The following PCDHGB6 variants were observed in gnomAD, a reference collection of about 807,000 sequenced individuals.
The protein encoded by PCDHGB6 is protocadherin gamma-B6.
PCDHGB6 carries 51 observed loss-of-function variants against 59.1 expected under a neutral mutation model. The observed-to-expected ratio is 0.86, with a 90% CI of 0.69 to 1.09. The LOEUF (loss-of-function observed/expected upper bound fraction) is 1.09. Ranked by LOEUF, PCDHGB6 falls within the 50% of genes least tolerant of loss-of-function variation. The pLI is 0.00. For missense variants in PCDHGB6, 1,148 were observed against 1,205.1 expected, an observed-to-expected ratio of 0.95 and a Z score of 0.70; for synonymous variants, 466 against 495.1, an observed-to-expected ratio of 0.94 and a Z score of 0.78.
intron 1 of PCDHGB6, chr5:141,418,428 A>G: frequency 6.2e-7 from 1 of 1,613,980 alleles, no homozygotes; most frequent in Non-Finnish European, 8.5e-7. Flanking sequence ...GATGGTGGCA[A>G]ATATCCAGAA....
intron 1 of PCDHGB6, among the ~76,000 whole-genome samples, chr5:141,469,232 A>AC (rs1350524557): frequency 2.0e-5 from 3 of 151,722 alleles, no homozygotes; most frequent in Non-Finnish European, 4.4e-5. Flanking sequence ...AGCCATGATC[A>AC]CCCCACTGCA....
At chr5:141,459,829 G>A in intron 1 of PCDHGB6, among the ~76,000 whole-genome samples, 1 of 152,178 alleles carries the variant, frequency 6.6e-6, no homozygotes, top group East Asian at 1.9e-4. Flanking sequence ...AACTTTTCAT[G>A]TGTTGTCTAT....
chr5:141,496,276 G>C (rs1189269883), intron 2 of PCDHGB6, among the ~76,000 whole-genome samples: 1 of 152,204 alleles, frequency 6.6e-6, no homozygotes, highest in Admixed American at 6.5e-5. Flanking sequence ...AAGACCTTCA[G>C]TTGGTCTGAG....
At chr5:141,435,919 T>C (rs2097786247) in intron 1 of PCDHGB6, among the ~76,000 whole-genome samples, 2 of 152,148 alleles carry the variant, frequency 1.3e-5, no homozygotes, top group South Asian at 4.1e-4. Flanking sequence ...GGCTCTAAAA[T>C]GCGGCAGTTG....
In PCDHGB6 at chr5:141,432,916, G is replaced by C; in HGVS notation, c.2418+22296G>C. ...TGCTGGCGCTCAGGCTGCGGCGCTG[G>C]CACAAGTCACGCCTGCTGCAGGCTT... On this transcript the variant is annotated intron_variant, in intron 1 of 3. Coordinates refer to ENST00000520790, the MANE Select transcript of PCDHGB6 (RefSeq NM_018926.3). The surrounding 1 kb of genome is among the most constrained non-coding windows in gnomAD (Gnocchi z 6.0). 1 of 1,614,196 alleles carries C rather than the reference G, an allele frequency of 6.2e-7. No homozygotes were observed. The highest frequency in any genetic ancestry group is 8.5e-7 in the Non-Finnish European group (1 of 1,180,040).
In PCDHGB6 at chr5:141,477,486, C is replaced by T. The variant is rs1472326209; in HGVS notation, c.2419-17321C>T. On this transcript the variant is annotated intron_variant, in intron 1 of 3. Coordinates refer to ENST00000520790, the MANE Select transcript of PCDHGB6 (RefSeq NM_018926.3). This position sits in a 1 kb window ranked among gnomAD's most constrained non-coding sequence, Gnocchi z 4.9. ...GACATCAATGACAACCCTCCACAATCTTCTCAATCTTCCTACGACGTTTAC... is the reference window on the plus strand; with the variant it reads ...GACATCAATGACAACCCTCCACAATTTTCTCAATCTTCCTACGACGTTTAC... 6.2e-7 allele frequency: 1 copy of T among 1,614,052 alleles called. No individual in the cohort carries two copies. The highest frequency in any genetic ancestry group is 1.3e-5 in the African/African-American group (1 of 74,914).
chr5:141,493,289 C>A lies in PCDHGB6; in HGVS notation c.2419-1518C>A, dbSNP rs925045650. On this transcript the variant is annotated intron_variant, in intron 1 of 3. Coordinates refer to ENST00000520790, the MANE Select transcript of PCDHGB6 (RefSeq NM_018926.3). This position sits in a 1 kb window ranked among gnomAD's most constrained non-coding sequence, Gnocchi z 4.3. The stretch of plus-strand genomic sequence containing the variant: ...CTTCACAGAGGTCAAGTGACTTGCT[C>A]AAGTTCACAGAGCAAGTAAGAGAGA... 6.6e-6 allele frequency among the ~76,000 whole-genome samples: 1 copy of A among 152,176 alleles called. No individual in the cohort carries two copies. Among genetic ancestry groups the A allele is most frequent in the East Asian group, 1.9e-4 (1 of 5,194 alleles).
chr5:141,441,762 C>T (rs3805697), intron 1 of PCDHGB6: 63,073 of 367,490 alleles, frequency 0.17, 6,544 homozygotes, highest in Admixed American at 0.27. Context: ...CGTGAGCCTG[C>T]GCGTGTTGGT....
chr5:141,421,923 G>T (rs2096611568), intron 1 of PCDHGB6: 1 of 1,613,590 alleles, frequency 6.2e-7, no homozygotes. Flanking sequence ...TTCGTGTGGT[G>T]GTCCTCGATG....
Position 141,487,660 on chromosome 5 carries a change from T to C in PCDHGB6, c.2419-7147T>C. Reference sequence around the variant, plus strand: ...AACAAATGCTTGAGGGTTATTCTGATCCAGGCATATGGCTAGGCCATGTCC... The same window carrying C: ...AACAAATGCTTGAGGGTTATTCTGACCCAGGCATATGGCTAGGCCATGTCC... On this transcript the variant is annotated intron_variant, in intron 1 of 3. Coordinates refer to ENST00000520790, the MANE Select transcript of PCDHGB6 (RefSeq NM_018926.3). The surrounding 1 kb of genome is among the most constrained non-coding windows in gnomAD (Gnocchi z 5.0). The C allele has an allele frequency of 6.2e-7, 1 of 1,613,442 alleles. No homozygotes were observed. The highest frequency in any genetic ancestry group is 8.5e-7 in the Non-Finnish European group (1 of 1,179,710).
At chr5:141,423,415 G>A (rs779262475) in intron 1 of PCDHGB6, 103 of 1,614,016 alleles carry the variant, frequency 6.4e-5, no homozygotes, top group African/African-American at 1.2e-4. Context: ...GCAGGCTTCT[G>A]AAGGCGGGTT....
intron 2 of PCDHGB6, among the ~76,000 whole-genome samples, chr5:141,497,977 G>A (rs1368982839): frequency 6.6e-6 from 1 of 152,216 alleles, no homozygotes; most frequent in Admixed American, 6.5e-5. Context: ...CTCGATGTGG[G>A]AGGCCCCTGC....
Position 141,487,522 on chromosome 5 carries a change from T to G in PCDHGB6, c.2419-7285T>G, listed in dbSNP as rs764726787. Reference sequence around the variant, plus strand: ...TGGCTTCTGCACCCACTCGGAGTGATAGCTTCATGATGGTGAAGTCACCCA... The same window carrying G: ...TGGCTTCTGCACCCACTCGGAGTGAGAGCTTCATGATGGTGAAGTCACCCA... On this transcript the variant is annotated intron_variant, in intron 1 of 3. Transcript: ENST00000520790. This position sits in a 1 kb window ranked among gnomAD's most constrained non-coding sequence, Gnocchi z 5.0. The G allele has an allele frequency of 6.2e-7, 1 of 1,614,166 alleles. No individual in the cohort carries two copies. The highest frequency in any genetic ancestry group is 8.5e-7 in the Non-Finnish European group (1 of 1,180,022).
intron 1 of PCDHGB6, chr5:141,441,337 T>A (rs980210130): frequency 6.6e-6 from 1 of 152,112 alleles, no homozygotes; most frequent in African/African-American, 2.4e-5. Flanking sequence ...CTCCAATAAT[T>A]AACTACATGC....
intron 1 of PCDHGB6, among the ~76,000 whole-genome samples, chr5:141,466,180 AT>A (rs922532578): frequency 6.6e-6 from 1 of 151,138 alleles, no homozygotes; most frequent in Admixed American, 6.6e-5. Context: ...TTTTATTTTT[AT>A]TTTTTTTCAG....
intron 1 of PCDHGB6, chr5:141,433,239 G>A: frequency 1.3e-6 from 2 of 1,494,126 alleles, no homozygotes; most frequent in Non-Finnish European, 1.8e-6. Context: ...TGTCTCCCAA[G>A]CTGGAATGCA....
intron 1 of PCDHGB6, chr5:141,419,208 C>G: frequency 5.6e-6 from 9 of 1,613,966 alleles, no homozygotes; most frequent in Non-Finnish European, 6.8e-6. Flanking sequence ...GACAACGCGC[C>G]GGTTTTCGGA....
At chr5:141,413,257 T>A (rs777964429) in intron 1 of PCDHGB6, 1 of 1,613,836 alleles carries the variant, frequency 6.2e-7, no homozygotes, top group African/African-American at 1.3e-5. Flanking sequence ...CGGGATTCCA[T>A]GGGAGGCTGG....
At chr5:141,488,198 GGACTC>G in intron 1 of PCDHGB6, among the ~76,000 whole-genome samples, 1 of 152,166 alleles carries the variant, frequency 6.6e-6, no homozygotes, top group Non-Finnish European at 1.5e-5. Context: ...CTGGGTCTTA[GGACTC>G]ATATCAAGTC....
Sources: gnomAD v4.1 joint callset for allele counts (sites outside exome capture counted in the v4.1 genomes callset) on GRCh38, gnomAD v4.1.1 for gene constraint, Gnocchi (gnomAD v3.1) non-coding constraint, MANE v1.5 for transcripts, NCBI Gene and HGNC (gene_info 2026-07-23, HGNC 2026-07-21) for gene names.